Variants in RFX3 observed in about 807,000 individuals in gnomAD.
The protein encoded by RFX3 is transcription factor RFX3.
RFX3 carries 14 observed loss-of-function variants against 98.6 expected under a neutral mutation model. The observed-to-expected ratio is 0.14, with a 90% CI of 0.09 to 0.22. RFX3 has a LOEUF of 0.22. Among genes scored for constraint, RFX3 ranks in the 10% least tolerant of loss-of-function variants. RFX3 has a pLI of 1.00. For missense variants in RFX3, 639 were observed against 926.9 expected, an observed-to-expected ratio of 0.69 and a Z score of 4.03; for synonymous variants, 383 against 328.4, an observed-to-expected ratio of 1.17 and a Z score of -1.80.
At chr9:3,369,230 T>C (rs1360543677) in intron 2 of RFX3, among the ~76,000 whole-genome samples, 3 of 152,232 alleles carry the variant, frequency 2.0e-5, no homozygotes, top group Non-Finnish European at 4.4e-5. Context: ...ATGCTGGGAA[T>C]TTCAAGATCA....
In RFX3 at chr9:3,421,316, C is replaced by A. The variant is rs551431888; in HGVS notation, c.-8-25720G>T. Among the ~76,000 whole-genome samples the A allele has an allele frequency of 2.6e-5, 4 of 152,150 alleles. No homozygotes were observed. The South Asian group carries it at 8.3e-4, about 32-fold the overall frequency. On this transcript the variant is annotated intron_variant, in intron 1 of 16. Coordinates refer to ENST00000617270, the MANE Select transcript of RFX3 (RefSeq NM_001282116.2). ...CTAACAAAAGCAATGGAGAAGAAAC[C>A]CCTATTGATTAAATGCAACTGTTAG...
intron 16 of RFX3, among the ~76,000 whole-genome samples, chr9:3,225,687 C>T (rs1817684170): frequency 6.6e-6 from 1 of 152,040 alleles, no homozygotes; most frequent in South Asian, 2.1e-4. Context: ...GTGTTGTTTC[C>T]TCCAAAAATC....
chr9:3,452,790 T>A lies in RFX3; in HGVS notation c.-8-57194A>T, dbSNP rs1411504167. Among the ~76,000 whole-genome samples, 9 of 152,244 alleles carry A rather than the reference T, an allele frequency of 5.9e-5. No homozygotes were observed. In the East Asian group the frequency reaches 1.7e-3, roughly 29 times the overall value. ...TATAAAAGCAACAAGAAATCCATTATTACACAGGGAATACTATAGGTTTCT... is the reference window on the plus strand; with the variant it reads ...TATAAAAGCAACAAGAAATCCATTAATACACAGGGAATACTATAGGTTTCT... On this transcript the variant is annotated intron_variant, in intron 1 of 16. Transcript: ENST00000617270.
intron 2 of RFX3, among the ~76,000 whole-genome samples, chr9:3,363,688 T>G (rs1214437201): frequency 3.9e-5 from 6 of 152,194 alleles, no homozygotes. Flanking sequence ...ATTTTATAAA[T>G]AGTGACATAA....
intron 7 of RFX3, among the ~76,000 whole-genome samples, chr9:3,283,498 C>G (rs1291872432): frequency 6.6e-6 from 1 of 151,780 alleles, no homozygotes; most frequent in East Asian, 1.9e-4. Flanking sequence ...TTTTCCAATT[C>G]TAAATATAGG....
At chr9:3,467,100 G>A (rs1371995794) in intron 1 of RFX3, among the ~76,000 whole-genome samples, 1 of 139,326 alleles carries the variant, frequency 7.2e-6, no homozygotes, top group African/African-American at 2.7e-5. Flanking sequence ...ATATATGTAA[G>A]TATATATGTA....
intron 1 of RFX3, among the ~76,000 whole-genome samples, chr9:3,506,211 T>C (rs1024327266): frequency 8.6e-5 from 13 of 151,380 alleles, no homozygotes; most frequent in Non-Finnish European, 1.8e-4. Flanking sequence ...AACTGTTTTT[T>C]TTTTTTTAAA....
intron 2 of RFX3, among the ~76,000 whole-genome samples, chr9:3,348,721 C>G (rs1834738200): frequency 6.6e-6 from 1 of 151,894 alleles, no homozygotes; most frequent in Non-Finnish European, 1.5e-5. Context: ...TTGTTTGTAT[C>G]CTTACGATTC....
At chr9:3,507,418 G>T (rs768434871) in intron 1 of RFX3, among the ~76,000 whole-genome samples, 2 of 151,880 alleles carry the variant, frequency 1.3e-5, no homozygotes, top group East Asian at 3.8e-4. Flanking sequence ...TTTTGACTAT[G>T]TCATATACTG....
intron 16 of RFX3, among the ~76,000 whole-genome samples, chr9:3,225,554 T>C (rs1433608313): frequency 4.6e-5 from 7 of 152,124 alleles, no homozygotes; most frequent in Non-Finnish European, 8.8e-5. Flanking sequence ...AAAAGGCCTT[T>C]GGAATTTCCC....
At chr9:3,338,772 G>C (rs1328313176) in intron 3 of RFX3, among the ~76,000 whole-genome samples, 1 of 152,138 alleles carries the variant, frequency 6.6e-6, no homozygotes, top group Non-Finnish European at 1.5e-5. Flanking sequence ...ATTTTCACAG[G>C]AACGAAAGGG....
chr9:3,248,306 C>T, intron 14 of RFX3, 121 bp from the exon 15 acceptor site: 4 of 1,257,964 alleles, frequency 3.2e-6, no homozygotes, highest in Non-Finnish European at 4.2e-6. Flanking sequence ...TAGTATAAAA[C>T]CTGCCATGAA....
intron 4 of RFX3, among the ~76,000 whole-genome samples, chr9:3,326,572 G>A (rs982119795): frequency 2.6e-5 from 4 of 152,134 alleles, no homozygotes; most frequent in Non-Finnish European, 5.9e-5. Flanking sequence ...ACTTACAAGT[G>A]AGAACATGCA....
chr9:3,270,874 G>A (rs753747127), intron 10 of RFX3, 129 bp downstream of exon 10: 2 of 1,322,222 alleles, frequency 1.5e-6, no homozygotes, highest in Non-Finnish European at 2.1e-6. Flanking sequence ...TTTCTAGGAT[G>A]GCCAAAACAT....
chr9:3,430,908 C>T (rs528434066), intron 1 of RFX3, among the ~76,000 whole-genome samples: 1 of 152,020 alleles, frequency 6.6e-6, no homozygotes, highest in African/African-American at 2.4e-5. Context: ...TCATTTACTA[C>T]CATAAAATAT....
At chr9:3,290,668 T>C (rs1202510362) in intron 6 of RFX3, among the ~76,000 whole-genome samples, 3 of 152,228 alleles carry the variant, frequency 2.0e-5, no homozygotes, top group African/African-American at 4.8e-5. Context: ...GTTTAAAATA[T>C]ACTATCTTTT....
At chr9:3,449,870 TAA>T (rs1330081583) in intron 1 of RFX3, among the ~76,000 whole-genome samples, 1 of 52,794 alleles carries the variant, frequency 1.9e-5, no homozygotes. Context: ...CCTGTCTCAA[TAA>T]AAAAAAAAGA....
chr9:3,495,505 C>G (rs1851044419), intron 1 of RFX3, among the ~76,000 whole-genome samples: 1 of 151,974 alleles, frequency 6.6e-6, no homozygotes, highest in African/African-American at 2.4e-5. Context: ...TTTAAAATGT[C>G]ATTAAATGGC....
intron 4 of RFX3, among the ~76,000 whole-genome samples, chr9:3,315,709 T>G (rs187135887): frequency 3.0e-4 from 45 of 152,138 alleles, no homozygotes; most frequent in African/African-American, 1.0e-3. Context: ...ACCGATCTCA[T>G]AGAAATACAA....
Sources: gnomAD v4.1 joint callset for allele counts (sites outside exome capture counted in the v4.1 genomes callset) on GRCh38, gnomAD v4.1.1 for gene constraint, MANE v1.5 for transcripts, NCBI Gene and HGNC (gene_info 2026-07-23, HGNC 2026-07-21) for gene names.